SLC41A2: variants seen among roughly 807,000 people sequenced by gnomAD.
SLC41A2 encodes the protein SLC41A1-like 1.
SLC41A2 carries 32 observed loss-of-function variants against 58.3 expected under a neutral mutation model. The ratio of observed to expected loss-of-function variants is 0.55; its 90% CI spans 0.41 to 0.74. SLC41A2 has a LOEUF of 0.74. Among genes scored for constraint, SLC41A2 ranks in the 30% least tolerant of loss-of-function variants. The pLI is 0.00. For synonymous variants in SLC41A2, 190 were observed against 235.0 expected (o/e 0.81, Z 1.75); for missense variants, 514 against 680.6 (o/e 0.76, Z 2.72).
intron 3 of SLC41A2, among the ~76,000 whole-genome samples, chr12:104,908,983 A>C (rs1036567821): frequency 1.3e-5 from 2 of 152,228 alleles, no homozygotes; most frequent in Non-Finnish European, 2.9e-5. Context: ...TAGATGATGA[A>C]GTAAACTGTA....
chr12:104,883,865 C>G (rs1459475076), intron 6 of SLC41A2, among the ~76,000 whole-genome samples: 1 of 152,264 alleles, frequency 6.6e-6, no homozygotes, highest in Non-Finnish European at 1.5e-5. Flanking sequence ...AACCACTACT[C>G]TCTTCAAAGC....
intron 8 of SLC41A2, among the ~76,000 whole-genome samples, chr12:104,848,801 G>A (rs1324311792): frequency 6.6e-6 from 1 of 151,760 alleles, no homozygotes; most frequent in Admixed American, 6.6e-5. Context: ...AATATAATTG[G>A]ATGAATAAAT....
At chr12:104,915,826 G>A (rs1225873876) in intron 2 of SLC41A2, among the ~76,000 whole-genome samples, 4 of 152,214 alleles carry the variant, frequency 2.6e-5, no homozygotes, top group African/African-American at 9.7e-5. Context: ...AGTGGTGAGA[G>A]AGGGCATCCC....
intron 10 of SLC41A2, among the ~76,000 whole-genome samples, chr12:104,816,359 C>A (rs1044445869): frequency 3.3e-5 from 5 of 152,166 alleles, no homozygotes; most frequent in African/African-American, 1.2e-4. Context: ...CAAAAACTAT[C>A]TTTTAAAGTG....
chr12:104,906,608 G>C (rs1335665641), intron 3 of SLC41A2, among the ~76,000 whole-genome samples: 1 of 152,140 alleles, frequency 6.6e-6, no homozygotes, highest in African/African-American at 2.4e-5. Flanking sequence ...TACACAGAAA[G>C]AGAAAATATT....
chr12:104,940,877 G>C (rs1457316187), intron 1 of SLC41A2, among the ~76,000 whole-genome samples: 1 of 147,684 alleles, frequency 6.8e-6, no homozygotes, highest in African/African-American at 2.5e-5. Flanking sequence ...CGAGATCATG[G>C]TGATCCCGAC....
chr12:104,902,345 T>C (rs1263662881), intron 3 of SLC41A2, among the ~76,000 whole-genome samples: 2 of 152,174 alleles, frequency 1.3e-5, no homozygotes, highest in Non-Finnish European at 2.9e-5. Context: ...ACTGATAGAC[T>C]GGACAGTAAC....
chr12:104,956,546 G>T (rs190471427), intron 1 of SLC41A2, among the ~76,000 whole-genome samples: 2 of 152,142 alleles, frequency 1.3e-5, no homozygotes, highest in Non-Finnish European at 2.9e-5. Flanking sequence ...GGGCATAGTG[G>T]TGTGTGCCTG....
chr12:104,812,358 A>T (rs1160142906), intron 10 of SLC41A2, among the ~76,000 whole-genome samples: 4 of 152,218 alleles, frequency 2.6e-5, no homozygotes, highest in African/African-American at 9.6e-5. Flanking sequence ...GAACTTAAAA[A>T]ATTTGCTATG....
chr12:104,936,083 G>A (rs1593173281), intron 1 of SLC41A2, among the ~76,000 whole-genome samples: 1 of 151,828 alleles, frequency 6.6e-6, no homozygotes, highest in African/African-American at 2.4e-5. Flanking sequence ...CATCATAGCT[G>A]TAAAAATGTC....
rs375716278 is a variant in SLC41A2 at position 104,818,524 on chromosome 12, T to C, written c.1537-13187A>G. 1.3e-3 allele frequency among the ~76,000 whole-genome samples: 192 copies of C among 152,234 alleles called. 5 individuals carry two copies. The South Asian group carries it at 0.033, about 26-fold the overall frequency. On this transcript the variant is annotated intron_variant, in intron 10 of 10. Transcript: ENST00000258538. ...GATGCCATAAATATGGAGGATAGCA[T>C]AAATATGTAGGATAGTAATTCTCAA... is the stretch of plus-strand genomic sequence containing the variant.
At chr12:104,894,610 A>G (rs1433998597) in intron 4 of SLC41A2, among the ~76,000 whole-genome samples, 1 of 152,186 alleles carries the variant, frequency 6.6e-6, no homozygotes, top group Non-Finnish European at 1.5e-5. Context: ...CCAGGTTCTC[A>G]ACATTATGTC....
chr12:104,861,891 A>C (rs1268439717), intron 7 of SLC41A2, among the ~76,000 whole-genome samples: 2 of 152,228 alleles, frequency 1.3e-5, no homozygotes, highest in Non-Finnish European at 2.9e-5. Flanking sequence ...ATTACTGGCA[A>C]ATTAAAATAA....
intron 6 of SLC41A2, among the ~76,000 whole-genome samples, chr12:104,874,441 TCTC>T (rs1425517431): frequency 6.6e-6 from 1 of 152,224 alleles, no homozygotes; most frequent in Admixed American, 6.5e-5. Context: ...AAGGAGCTTT[TCTC>T]CTATGTTTTC....
intron 10 of SLC41A2, among the ~76,000 whole-genome samples, chr12:104,839,507 T>A (rs965915053): frequency 6.7e-6 from 1 of 150,144 alleles, no homozygotes; most frequent in Non-Finnish European, 1.5e-5. Context: ...TTTCTTTTTT[T>A]TTTCTTTTTT....
intron 6 of SLC41A2, among the ~76,000 whole-genome samples, chr12:104,877,632 G>A (rs1173281198): frequency 5.9e-5 from 9 of 152,038 alleles, no homozygotes; most frequent in Non-Finnish European, 7.4e-5. Context: ...TCGAAATACC[G>A]AAAGCTTTAG....
intron 1 of SLC41A2, among the ~76,000 whole-genome samples, chr12:104,955,209 T>A (rs1266690471): frequency 6.6e-6 from 1 of 151,826 alleles, no homozygotes; most frequent in African/African-American, 2.4e-5. Context: ...AGAGACAGGG[T>A]TTCACCATGT....
chr12:104,886,635 T>C (rs902362209), intron 5 of SLC41A2, among the ~76,000 whole-genome samples, 196 bp from the exon 6 acceptor site: 1 of 152,040 alleles, frequency 6.6e-6, no homozygotes, highest in Non-Finnish European at 1.5e-5. Context: ...GTGGGGATCA[T>C]AGAAAATTTA....
chr12:104,808,742 A>C (rs1178789267), intron 10 of SLC41A2, among the ~76,000 whole-genome samples: 2 of 151,458 alleles, frequency 1.3e-5, no homozygotes, highest in African/African-American at 4.8e-5. Flanking sequence ...CCTCAATTTC[A>C]GAGCCTGTTA....
Sources: allele counts gnomAD v4.1 joint callset (sites outside exome capture counted in the v4.1 genomes callset), GRCh38; gene constraint gnomAD v4.1.1; transcripts MANE v1.5; gene names NCBI Gene and HGNC (gene_info 2026-07-23, HGNC 2026-07-21).